The following UNC5C variants were observed in gnomAD, a reference collection of about 807,000 sequenced individuals.
UNC5C encodes the protein unc-5 netrin receptor C.
In UNC5C, 47 loss-of-function variants were observed where a neutral mutation model predicts 99.8. That is an observed-to-expected ratio of 0.47 (90% CI 0.37 to 0.60). The LOEUF is 0.60. UNC5C is among the 20% of genes least tolerant of loss of function. The probability of loss-of-function intolerance (pLI) is 0.00; values close to 1 mark genes in which losing one functional copy is unlikely to be tolerated. For synonymous variants in UNC5C, 487 were observed against 452.2 expected (o/e 1.08, Z -0.98); for missense variants, 1,062 against 1,165.9 (o/e 0.91, Z 1.30).
intron 1 of UNC5C, among the ~76,000 whole-genome samples, chr4:95,503,778 T>G (rs903527171): frequency 6.6e-6 from 1 of 152,114 alleles, no homozygotes; most frequent in Non-Finnish European, 1.5e-5. Context: ...TAAAATAGCA[T>G]GGCCCCTCAT....
At chr4:95,384,920 G>A (rs1016783767) in intron 1 of UNC5C, among the ~76,000 whole-genome samples, 1 of 152,128 alleles carries the variant, frequency 6.6e-6, no homozygotes, top group Non-Finnish European at 1.5e-5. Context: ...GGAATGAAGT[G>A]TCTCCTTGGA....
intron 1 of UNC5C, among the ~76,000 whole-genome samples, chr4:95,388,094 T>C (rs1486798217): frequency 6.6e-6 from 1 of 152,000 alleles, no homozygotes; most frequent in Non-Finnish European, 1.5e-5. Context: ...ATAATAATAA[T>C]ACAGAAAAGG....
In UNC5C at chr4:95,167,216, A is replaced by G. The variant is rs1407790011; in HGVS notation, c.*2018T>C. ...TCCAGCCTAAAAGTAAACCACAGTC[A>G]TGTTCTAAAGGTTCCGATTCATACA... On this transcript the variant is annotated 3_prime_UTR_variant, in exon 16 of 16. Coordinates refer to ENST00000453304, the MANE Select transcript of UNC5C (RefSeq NM_003728.4). The G allele has an allele frequency of 6.6e-6, 1 of 152,140 alleles. No individual in the cohort carries two copies. Among genetic ancestry groups the G allele is most frequent in the Non-Finnish European group, 1.5e-5 (1 of 68,038 alleles). The allele number at this position is 152,140 out of a possible 1,614,324, so 9.4% of individuals were successfully genotyped here. A position where few individuals can be genotyped will look rare whatever the true frequency, so the allele number is the denominator to read the frequency against.
At chr4:95,362,995 C>T (rs1053554844) in intron 1 of UNC5C, among the ~76,000 whole-genome samples, 2 of 151,878 alleles carry the variant, frequency 1.3e-5, no homozygotes, top group African/African-American at 4.8e-5. Context: ...GGGCGCCGTT[C>T]ATATTGTAGT....
chr4:95,218,199 T>C (rs1194361969), intron 9 of UNC5C, among the ~76,000 whole-genome samples: 4 of 152,206 alleles, frequency 2.6e-5, no homozygotes, highest in African/African-American at 7.2e-5. Flanking sequence ...AAGAATTAGA[T>C]AGATTTAGAG....
intron 13 of UNC5C, among the ~76,000 whole-genome samples, chr4:95,184,186 C>T (rs1032860497): frequency 1.3e-5 from 2 of 152,160 alleles, no homozygotes; most frequent in East Asian, 1.9e-4. Flanking sequence ...ATGCAACCTC[C>T]GTCAAAGCTC....
chr4:95,336,424 G>A (rs10020354), intron 1 of UNC5C, among the ~76,000 whole-genome samples: 60,496 of 151,590 alleles, frequency 0.4, 13,709 homozygotes, highest in East Asian at 0.83. Flanking sequence ...TTACAAATAC[G>A]TAATTGAAAA....
At chr4:95,322,636 C>T (rs150208761) in intron 2 of UNC5C, among the ~76,000 whole-genome samples, 5 of 152,054 alleles carry the variant, frequency 3.3e-5, no homozygotes, top group African/African-American at 1.2e-4. Context: ...GATTTTTGCA[C>T]TTCAAAAATG....
intron 2 of UNC5C, among the ~76,000 whole-genome samples, chr4:95,327,869 T>C: frequency 6.6e-6 from 1 of 151,938 alleles, no homozygotes; most frequent in Non-Finnish European, 1.5e-5. Context: ...TGATTCTTCC[T>C]TAATGATGAA....
intron 1 of UNC5C, among the ~76,000 whole-genome samples, chr4:95,478,959 C>G (rs1721049055): frequency 6.6e-6 from 1 of 151,844 alleles, no homozygotes; most frequent in Non-Finnish European, 1.5e-5. Flanking sequence ...CTCCTATTCC[C>G]CCTCTCATCA....
intron 4 of UNC5C, among the ~76,000 whole-genome samples, chr4:95,276,071 C>G (rs72887727): frequency 6.6e-6 from 1 of 152,042 alleles, no homozygotes; most frequent in African/African-American, 2.4e-5. Flanking sequence ...GGAAAATGGT[C>G]GTATAATCCT....
intron 1 of UNC5C, among the ~76,000 whole-genome samples, chr4:95,513,558 A>C (rs1488530463): frequency 1.3e-5 from 2 of 152,172 alleles, no homozygotes; most frequent in Non-Finnish European, 2.9e-5. Flanking sequence ...CACAAAATTC[A>C]AGCTTAATAT....
intron 4 of UNC5C, among the ~76,000 whole-genome samples, chr4:95,268,573 C>G (rs546859465): frequency 1.3e-5 from 2 of 152,274 alleles, no homozygotes; most frequent in South Asian, 4.2e-4. Context: ...TCATATATGT[C>G]AATAATAGAG....
At position 95,206,695 on chromosome 4, in the gene UNC5C, C is replaced by T; in HGVS notation, c.1835G>A (p.Cys612Tyr). 1 of 1,614,098 alleles carries T rather than the reference C, an allele frequency of 6.2e-7. No individual in the cohort carries two copies. Among genetic ancestry groups the T allele is most frequent in the Non-Finnish European group, 8.5e-7 (1 of 1,180,022 alleles). Residue 612 changes from cysteine to tyrosine, a missense_variant, in exon 11 of 16, where the codon TGC becomes TAC. Coordinates refer to ENST00000453304, the MANE Select transcript of UNC5C (RefSeq NM_003728.4). ...CCAGTCCTCGGTATTGGGGTCTGCG[C>T]AGTGATGCATAGTGAGGACGACTGG... ...TRPVVLTMHH[C>Y]ADPNTEDWKI...
chr4:95,509,849 A>G (rs1353808286), intron 1 of UNC5C, among the ~76,000 whole-genome samples: 2 of 151,950 alleles, frequency 1.3e-5, no homozygotes, highest in African/African-American at 4.8e-5. Flanking sequence ...CCACACTAGT[A>G]TATAAATTGT....
intron 2 of UNC5C, among the ~76,000 whole-genome samples, chr4:95,317,235 G>T (rs902698247): frequency 2.0e-5 from 3 of 152,168 alleles, no homozygotes; most frequent in African/African-American, 7.2e-5. Flanking sequence ...CACTTTGGAG[G>T]CAGTTTAGTA....
Position 95,163,481 on chromosome 4 carries a change from C to T in UNC5C, c.*5753G>A, listed in dbSNP as rs548860975. 6.6e-6 allele frequency: 1 copy of T among 152,350 alleles called. No individual in the cohort carries two copies. Among genetic ancestry groups the T allele is most frequent in the African/African-American group, 2.4e-5 (1 of 41,566 alleles). The allele number at this position is 152,350 out of a possible 1,614,324, so 9.4% of individuals were successfully genotyped here. The stretch of plus-strand genomic sequence containing the variant: ...TCAGCAAAACCTGCCTACAATTCAT[C>T]TTCTACACACCAGTACTGAGGGTTA... On this transcript the variant is annotated 3_prime_UTR_variant, in exon 16 of 16. Coordinates refer to ENST00000453304, the MANE Select transcript of UNC5C (RefSeq NM_003728.4).
intron 1 of UNC5C, among the ~76,000 whole-genome samples, chr4:95,448,227 TGAGAGAGAGAGAGA>T (rs1208781802): frequency 5.0e-5 from 5 of 100,086 alleles, no homozygotes; most frequent in African/African-American, 8.1e-5. Context: ...TGTGTGTGTG[TGAGAGAGAGAGAGA>T]GAGAGAGAGA....
chr4:95,356,212 AC>A (rs59859323), intron 1 of UNC5C, among the ~76,000 whole-genome samples: 3,074 of 76,746 alleles, frequency 0.04, 141 homozygotes, highest in African/African-American at 0.11. Context: ...AAAAAAAAAA[AC>A]AAAACAAAAA....
Sources: gnomAD v4.1 joint callset for allele counts (sites outside exome capture counted in the v4.1 genomes callset) on GRCh38, gnomAD v4.1.1 for gene constraint, MANE v1.5 for transcripts, NCBI Gene and HGNC (gene_info 2026-07-23, HGNC 2026-07-21) for gene names.